RUNX1T1: variants seen among roughly 807,000 people sequenced by gnomAD.
RUNX1T1 encodes RUNX1 partner transcriptional co-repressor 1.
In RUNX1T1, 4 loss-of-function variants were observed where a neutral mutation model predicts 62.8. The ratio of observed to expected loss-of-function variants is 0.06; its 90% CI spans 0.03 to 0.15. The LOEUF (loss-of-function observed/expected upper bound fraction) is 0.15, where lower values mean the gene tolerates loss of function less well. RUNX1T1 is among the 10% of genes least tolerant of loss of function. RUNX1T1 has a pLI of 1.00. For missense variants in RUNX1T1, 508 were observed against 754.3 expected, an observed-to-expected ratio of 0.67 and a Z score of 3.82; for synonymous variants, 291 against 286.0, an observed-to-expected ratio of 1.02 and a Z score of -0.18.
intron 5 of RUNX1T1, chr8:91,994,762 A>C: frequency 3.1e-6 from 1 of 327,614 alleles, no homozygotes; most frequent in South Asian, 3.3e-5. Flanking sequence ...CCCACTTCTT[A>C]TTATTTGTTT....
At chr8:91,994,518 A>C (rs1818311450) in intron 5 of RUNX1T1, 1 of 475,788 alleles carries the variant, frequency 2.1e-6, no homozygotes, top group South Asian at 1.6e-5. Context: ...TGGAAAGAGC[A>C]CTGGACTGGG....
chr8:92,018,187 G>C (rs1411861958), intron 1 of RUNX1T1, among the ~76,000 whole-genome samples: 1 of 152,132 alleles, frequency 6.6e-6, no homozygotes, highest in Non-Finnish European at 1.5e-5. Flanking sequence ...ACTGCTGTAA[G>C]TATACTTTTC....
At chr8:91,986,276 G>A in exon 8 of RUNX1T1, 1 of 1,614,034 alleles carries the variant, frequency 6.2e-7, no homozygotes, top group South Asian at 1.1e-5. Context: ...CCTTAGTACG[G>A]TGAGAGATCG....
intron 1 of RUNX1T1, among the ~76,000 whole-genome samples, chr8:92,094,392 A>ATGT (rs1837481879): frequency 6.6e-6 from 1 of 152,198 alleles, no homozygotes; most frequent in Admixed American, 6.5e-5. Context: ...CTTGTGAGTC[A>ATGT]ATAAGACATG....
chr8:92,085,286 C>T (rs1835920624), intron 1 of RUNX1T1, among the ~76,000 whole-genome samples: 8 of 152,166 alleles, frequency 5.3e-5, no homozygotes, highest in African/African-American at 1.2e-4. Context: ...CTCAGAGTAC[C>T]AAAGGACATA....
chr8:91,975,231 A>G (rs1255974912), intron 9 of RUNX1T1, among the ~76,000 whole-genome samples: 1 of 152,234 alleles, frequency 6.6e-6, no homozygotes, highest in Non-Finnish European at 1.5e-5. Context: ...TTTAAGCCCA[A>G]TAACAAGTCA....
intron 1 of RUNX1T1, among the ~76,000 whole-genome samples, chr8:92,061,067 G>C (rs1428614095): frequency 6.6e-6 from 1 of 152,078 alleles, no homozygotes. Flanking sequence ...TTTAAATAAG[G>C]GTGCTTTGAA....
chr8:92,089,979 G>C (rs1187991861), intron 1 of RUNX1T1, among the ~76,000 whole-genome samples: 1 of 146,176 alleles, frequency 6.8e-6, no homozygotes, highest in Non-Finnish European at 1.5e-5. Context: ...CTAACCCTGG[G>C]AAAGCCCCAA....
intron 10 of RUNX1T1, among the ~76,000 whole-genome samples, chr8:91,967,104 C>T (rs1261749534): frequency 2.0e-5 from 3 of 152,196 alleles, no homozygotes; most frequent in Admixed American, 6.5e-5. Context: ...GAAAGTAACA[C>T]TACCTACTTT....
exon 1 of RUNX1T1, chr8:92,062,599 A>C (rs897181491): frequency 6.2e-7 from 1 of 1,614,070 alleles, no homozygotes; most frequent in South Asian, 1.1e-5. Context: ...TCCTAAAAGC[A>C]AGCGCGTTCC....
chr8:92,095,048 T>G, intron 1 of RUNX1T1: 1 of 1,535,580 alleles, frequency 6.5e-7, no homozygotes, highest in Non-Finnish European at 8.7e-7. Context: ...CCTGTCTGGA[T>G]AGCAGAGGTG....
chr8:91,982,752 T>A (rs1340356223), intron 8 of RUNX1T1, among the ~76,000 whole-genome samples: 3 of 152,110 alleles, frequency 2.0e-5, no homozygotes, highest in African/African-American at 7.2e-5. Flanking sequence ...ACGATAAATA[T>A]CTATTATTTC....
intron 1 of RUNX1T1, among the ~76,000 whole-genome samples, chr8:92,052,097 GAAC>G (rs1207727084): frequency 6.6e-6 from 1 of 152,102 alleles, no homozygotes; most frequent in Non-Finnish European, 1.5e-5. Context: ...GCACAAAAGA[GAAC>G]AACAGAAGAT....
At position 91,986,935 on chromosome 8, in the gene RUNX1T1, G is replaced by A. The variant is rs769048384; in HGVS notation, c.948C>T (p.His316=). 8 of 1,612,260 alleles carry A rather than the reference G, an allele frequency of 5.0e-6. No homozygotes were observed. In the Admixed American group the frequency reaches 5.0e-5, roughly 10 times the overall value. ...CTGCCCATTCTCTGTCTGTTAGTCT[G>A]TGATCAATCATTTCTTCTTGACGTG... The change falls in exon 7 of 11, where the codon CAC becomes CAT. Residue 316 remains histidine, a synonymous_variant. Coordinates refer to ENST00000396218, the Ensembl canonical transcript of RUNX1T1.
intron 1 of RUNX1T1, among the ~76,000 whole-genome samples, chr8:92,021,556 A>T (rs865792287): frequency 8.5e-5 from 13 of 152,144 alleles, no homozygotes; most frequent in Admixed American, 6.5e-4. Flanking sequence ...GGCATAACAG[A>T]ATAACTTCCT....
At chr8:91,980,165 T>C (rs945769045) in intron 8 of RUNX1T1, among the ~76,000 whole-genome samples, 1 of 152,152 alleles carries the variant, frequency 6.6e-6, no homozygotes, top group Non-Finnish European at 1.5e-5. Flanking sequence ...GAAGTAACCA[T>C]CTCCTCTTAA....
intron 1 of RUNX1T1, among the ~76,000 whole-genome samples, chr8:92,085,475 T>G (rs899572424): frequency 3.9e-5 from 6 of 152,222 alleles, no homozygotes; most frequent in Admixed American, 6.5e-5. Context: ...ATGATATATC[T>G]CAGGAACGAT....
intron 10 of RUNX1T1, among the ~76,000 whole-genome samples, chr8:91,964,016 C>G (rs2130495136): frequency 6.6e-6 from 1 of 152,226 alleles, no homozygotes; most frequent in Admixed American, 6.5e-5. Context: ...TCCTCCCTAT[C>G]TGAAAAGTAA....
chr8:92,045,696 T>C (rs1031068389), intron 1 of RUNX1T1, among the ~76,000 whole-genome samples: 1 of 152,188 alleles, frequency 6.6e-6, no homozygotes, highest in Non-Finnish European at 1.5e-5. Context: ...CTTTTCTGCC[T>C]CTCAATCCTT....
Sources: gnomAD v4.1 joint callset for allele counts (sites outside exome capture counted in the v4.1 genomes callset) on GRCh38, gnomAD v4.1.1 for gene constraint, MANE v1.5 for transcripts, NCBI Gene and HGNC (gene_info 2026-07-23, HGNC 2026-07-21) for gene names.